Variants in KIAA1217 observed in about 807,000 individuals in gnomAD.
KIAA1217 encodes sickle tail protein homolog.
Under a neutral mutation model 163.9 loss-of-function variants are expected in KIAA1217, and 88 were observed. That is an observed-to-expected ratio of 0.54 (90% CI 0.45 to 0.64). The LOEUF is 0.64. KIAA1217 is among the 30% of genes least tolerant of loss of function. The pLI is 0.00. For missense variants in KIAA1217, 2,372 were observed against 2,475.0 expected, an observed-to-expected ratio of 0.96 and a Z score of 0.88; for synonymous variants, 903 against 923.1, an observed-to-expected ratio of 0.98 and a Z score of 0.39.
chr10:24,157,969 G>A (rs1040309195), intron 2 of KIAA1217: 12 of 742,770 alleles, frequency 1.6e-5, no homozygotes, highest in Non-Finnish European at 2.7e-5. Context: ...CAGCCCTGGT[G>A]ACTCCACAAT....
At chr10:24,352,390 C>T (rs1425776680) in intron 2 of KIAA1217, among the ~76,000 whole-genome samples, 3 of 152,272 alleles carry the variant, frequency 2.0e-5, no homozygotes, top group South Asian at 2.1e-4. Flanking sequence ...TGTATGTATA[C>T]TTTAGGTGGA....
At chr10:23,877,621 A>G (rs1840755801) in intron 1 of KIAA1217, 1 of 151,972 alleles carries the variant, frequency 6.6e-6, no homozygotes, top group African/African-American at 2.4e-5. Flanking sequence ...CATGGGCCAT[A>G]TAAATTTTGC....
intron 3 of KIAA1217, among the ~76,000 whole-genome samples, chr10:24,423,034 AG>A (rs139107278): frequency 0.046 from 6,918 of 150,470 alleles, 356 homozygotes; most frequent in Middle Eastern, 0.14. Context: ...CCTCCAGAGT[AG>A]TTGGGACTAC....
At chr10:23,934,625 A>ATATTTT (rs1554826424) in intron 1 of KIAA1217, among the ~76,000 whole-genome samples, 14 of 68,544 alleles carry the variant, frequency 2.0e-4, no homozygotes, top group African/African-American at 1.1e-3. Context: ...ATATATATAT[A>ATATTTT]TTTTTTTTTT....
At position 24,536,948 on chromosome 10, in the gene KIAA1217, C is replaced by T. The variant is rs539539135; in HGVS notation, c.3534+55C>T. 64 of 1,602,652 alleles carry T rather than the reference C, an allele frequency of 4.0e-5. No individual in the cohort carries two copies. In the South Asian group the frequency reaches 7.1e-4, roughly 18 times the overall value. ...GGTTGGGAGTCCTTCCTTCCTTGCT[C>T]TGACACTAACACGGCTCTTATACTC... On this transcript the variant is annotated intron_variant, in intron 17 of 20. Transcript: ENST00000376454.
At chr10:23,825,152 A>G (rs1161194451) in intron 1 of KIAA1217, among the ~76,000 whole-genome samples, 2 of 151,998 alleles carry the variant, frequency 1.3e-5, no homozygotes, top group Non-Finnish European at 2.9e-5. Context: ...CAGTCTGCAA[A>G]CCCTATTAGT....
intron 1 of KIAA1217, among the ~76,000 whole-genome samples, chr10:23,869,834 G>A (rs944689975): frequency 6.6e-6 from 1 of 151,976 alleles, no homozygotes; most frequent in Admixed American, 6.6e-5. Context: ...CTGGGTATTT[G>A]TCTTGCTTCT....
chr10:23,835,923 A>G (rs960547431), intron 1 of KIAA1217, among the ~76,000 whole-genome samples: 42 of 152,142 alleles, frequency 2.8e-4, no homozygotes, highest in African/African-American at 9.9e-4. Context: ...CTGTTATGGG[A>G]TGGATTGTGT....
chr10:24,529,071 A>G (rs2134947687), intron 14 of KIAA1217, among the ~76,000 whole-genome samples: 1 of 152,290 alleles, frequency 6.6e-6, no homozygotes, highest in Admixed American at 6.5e-5. Flanking sequence ...GCAGTGTCAC[A>G]TTCCACAGTG....
intron 1 of KIAA1217, among the ~76,000 whole-genome samples, chr10:23,875,855 A>G (rs868367503): frequency 6.6e-6 from 1 of 151,624 alleles, no homozygotes; most frequent in African/African-American, 2.4e-5. Flanking sequence ...AAGGACAGCA[A>G]ACCAAACACT....
At chr10:23,801,824 T>C (rs905132733) in intron 1 of KIAA1217, among the ~76,000 whole-genome samples, 2 of 152,232 alleles carry the variant, frequency 1.3e-5, no homozygotes, top group Non-Finnish European at 2.9e-5. Flanking sequence ...GGGTTCAGCC[T>C]GGTGTTATCC....
At chr10:24,292,788 TGA>T (rs761872774) in intron 2 of KIAA1217, among the ~76,000 whole-genome samples, 6 of 151,916 alleles carry the variant, frequency 3.9e-5, no homozygotes, top group Non-Finnish European at 5.9e-5. Flanking sequence ...GCAGCCTGAG[TGA>T]GAGGCACTGC....
At chr10:24,532,671 T>C (rs1448995110) in intron 15 of KIAA1217, among the ~76,000 whole-genome samples, 2 of 152,128 alleles carry the variant, frequency 1.3e-5, no homozygotes, top group South Asian at 2.1e-4. Flanking sequence ...AACGGTCCGA[T>C]CTCGTGAGAC....
intron 6 of KIAA1217, among the ~76,000 whole-genome samples, chr10:24,477,904 T>G (rs1049594261): frequency 1.3e-5 from 2 of 152,214 alleles, no homozygotes; most frequent in Non-Finnish European, 2.9e-5. Context: ...TAAGTATTGT[T>G]AAAGAATTTT....
At chr10:23,842,529 G>A (rs1455793962) in intron 1 of KIAA1217, among the ~76,000 whole-genome samples, 1 of 152,030 alleles carries the variant, frequency 6.6e-6, no homozygotes, top group Non-Finnish European at 1.5e-5. Context: ...AAACTTAAGA[G>A]GCTAAGAAAT....
At chr10:23,950,511 T>C (rs1478990678) in intron 1 of KIAA1217, among the ~76,000 whole-genome samples, 1 of 152,058 alleles carries the variant, frequency 6.6e-6, no homozygotes, top group Non-Finnish European at 1.5e-5. Context: ...AAAACACGTA[T>C]TGAGCACGAA....
intron 5 of KIAA1217, among the ~76,000 whole-genome samples, chr10:24,472,737 A>G (rs1055137679): frequency 7.9e-5 from 12 of 152,192 alleles, no homozygotes; most frequent in African/African-American, 2.9e-4. Flanking sequence ...TTTAAACACC[A>G]TAGGTGTATC....
intron 3 of KIAA1217, among the ~76,000 whole-genome samples, chr10:24,408,286 A>C (rs2057420836): frequency 6.6e-6 from 1 of 152,150 alleles, no homozygotes; most frequent in Admixed American, 6.5e-5. Context: ...ATTTCATAAA[A>C]CCAATGTGGG....
At chr10:24,468,032 T>C (rs1309065017) in intron 5 of KIAA1217, among the ~76,000 whole-genome samples, 2 of 152,176 alleles carry the variant, frequency 1.3e-5, no homozygotes, top group Non-Finnish European at 2.9e-5. Context: ...TTAGTAAGAA[T>C]ACCCGCAGCA....
Sources: gnomAD v4.1 joint callset for allele counts (sites outside exome capture counted in the v4.1 genomes callset) on GRCh38, gnomAD v4.1.1 for gene constraint, MANE v1.5 for transcripts, NCBI Gene and HGNC (gene_info 2026-07-23, HGNC 2026-07-21) for gene names.